Variants in ADCY8 observed in about 807,000 individuals in gnomAD.
The protein encoded by ADCY8 is adenylate cyclase type 8.
In ADCY8, 51 loss-of-function variants were observed where a neutral mutation model predicts 119.7. The observed-to-expected ratio is 0.43, with a 90% confidence interval of 0.34 to 0.54. The LOEUF is 0.54. Among genes scored for constraint, ADCY8 ranks in the 20% least tolerant of loss-of-function variants. The pLI is 0.03. For missense variants in ADCY8, 1,383 were observed against 1,598.8 expected (o/e 0.87, Z 2.30); for synonymous variants, 665 against 651.0 (o/e 1.02, Z -0.33).
intron 3 of ADCY8, among the ~76,000 whole-genome samples, chr8:130,950,315 T>C (rs975538959): frequency 4.6e-5 from 7 of 152,194 alleles, no homozygotes; most frequent in African/African-American, 1.7e-4. Flanking sequence ...ATCAGACCCA[T>C]CTGCTCCAGG....
intron 8 of ADCY8, among the ~76,000 whole-genome samples, chr8:130,883,094 G>A (rs116739343): frequency 0.011 from 1,604 of 151,066 alleles, 33 homozygotes; most frequent in African/African-American, 0.037. Flanking sequence ...TCCCTTAGAT[G>A]TGAATGCTAT....
intron 6 of ADCY8, among the ~76,000 whole-genome samples, chr8:130,905,431 T>TC (rs1296013098): frequency 1.3e-5 from 2 of 152,248 alleles, no homozygotes; most frequent in African/African-American, 4.8e-5. Context: ...ACTAACAATT[T>TC]CCTACTGTCC....
intron 1 of ADCY8, among the ~76,000 whole-genome samples, chr8:131,017,169 A>C (rs559637024): frequency 7.9e-5 from 12 of 151,840 alleles, no homozygotes; most frequent in Admixed American, 3.9e-4. Flanking sequence ...TCCCAGGTTC[A>C]AGTGATTCTC....
chr8:130,920,792 C>T (rs770550522), intron 5 of ADCY8, among the ~76,000 whole-genome samples: 4 of 152,284 alleles, frequency 2.6e-5, no homozygotes, highest in Non-Finnish European at 4.4e-5. Flanking sequence ...GATTACCCTC[C>T]ACAATGTGTG....
At chr8:130,897,134 C>T (rs1250766124) in intron 7 of ADCY8, among the ~76,000 whole-genome samples, 1 of 152,036 alleles carries the variant, frequency 6.6e-6, no homozygotes, top group African/African-American at 2.4e-5. Context: ...TCAATTCCTG[C>T]AGAGATTTAC....
At chr8:130,985,146 G>T (rs939118263) in intron 2 of ADCY8, among the ~76,000 whole-genome samples, 2 of 152,130 alleles carry the variant, frequency 1.3e-5, no homozygotes, top group African/African-American at 4.8e-5. Context: ...AGGAAAGGGG[G>T]TTGGGGGGTG....
At chr8:130,917,489 T>A (rs1820163915) in intron 5 of ADCY8, among the ~76,000 whole-genome samples, 1 of 152,156 alleles carries the variant, frequency 6.6e-6, no homozygotes, top group South Asian at 2.1e-4. Context: ...AAGACCTAAC[T>A]GCACTCACAT....
chr8:130,949,023 C>A (rs1409117033), intron 3 of ADCY8, among the ~76,000 whole-genome samples: 2 of 152,138 alleles, frequency 1.3e-5, no homozygotes, highest in African/African-American at 4.8e-5. Flanking sequence ...CAATTCTCCT[C>A]CCCCTAGTAA....
chr8:130,890,103 A>G (rs1563715089), intron 7 of ADCY8, among the ~76,000 whole-genome samples: 1 of 151,592 alleles, frequency 6.6e-6, no homozygotes, highest in Non-Finnish European at 1.5e-5. Context: ...GAAAGGAAGG[A>G]ATGGATGAGT....
At chr8:130,947,555 G>A (rs754899612) in intron 3 of ADCY8, among the ~76,000 whole-genome samples, 5 of 152,158 alleles carry the variant, frequency 3.3e-5, no homozygotes, top group Admixed American at 2.6e-4. Context: ...TTGCTTGTTC[G>A]TGAAACTCTA....
chr8:131,017,231 G>A (rs1342557370), intron 1 of ADCY8, among the ~76,000 whole-genome samples: 4 of 152,040 alleles, frequency 2.6e-5, no homozygotes, highest in Admixed American at 6.6e-5. Flanking sequence ...CACCACGCCC[G>A]GCTAATTTGT....
chr8:130,953,217 G>A (rs1244331307), intron 2 of ADCY8, among the ~76,000 whole-genome samples: 1 of 152,030 alleles, frequency 6.6e-6, no homozygotes, highest in Non-Finnish European at 1.5e-5. Flanking sequence ...TAGGTCATGT[G>A]GAATTATCTA....
At chr8:130,781,224 C>A (rs1347142388) in intron 17 of ADCY8, among the ~76,000 whole-genome samples, 1 of 152,166 alleles carries the variant, frequency 6.6e-6, no homozygotes, top group Non-Finnish European at 1.5e-5. Context: ...GTGAGATGAT[C>A]AGAGCATGGA....
chr8:130,801,212 T>C (rs984966255), intron 14 of ADCY8, among the ~76,000 whole-genome samples: 6 of 152,142 alleles, frequency 3.9e-5, no homozygotes, highest in African/African-American at 1.4e-4. Context: ...CCTTTTCTTT[T>C]CTCCTCAATG....
Position 130,884,121 on chromosome 8 carries a change from A to G in ADCY8, c.2109+443T>C, listed in dbSNP as rs916101904. Among the ~76,000 whole-genome samples the G allele has an allele frequency of 2.0e-5, 3 of 152,290 alleles. No homozygotes were observed. In the East Asian group the frequency reaches 5.8e-4, roughly 30 times the overall value. ...GACAACTGGGGAAAGGGGAGAATAG[A>G]TATCTAAAATCTAAGAAAGACAGTG... is the stretch of plus-strand genomic sequence containing the variant. On this transcript the variant is annotated intron_variant, in intron 8 of 17. Transcript: ENST00000286355.
chr8:130,909,834 T>C lies in ADCY8; in HGVS notation c.1514A>G (p.Asp505Gly). The change falls in exon 6 of 18, where the codon GAC (aspartate) becomes GGC (glycine). Residue 505 changes from aspartate (D) to glycine (G), a missense_variant. This residue lies in a region of ADCY8 where 928 missense variants were observed against 1,163.5 expected (regional missense o/e 0.80). Coordinates refer to ENST00000286355, the MANE Select transcript of ADCY8 (RefSeq NM_001115.3). Reference sequence around the variant, plus strand: ...GCCGGAGTGGATTCCAATCCTCATGTCAACATCGTGTTTTGTCCTTGACCG... The same window carrying C: ...GCCGGAGTGGATTCCAATCCTCATGCCAACATCGTGTTTTGTCCTTGACCG... ...YVRSRTKHDV[D>G]MRIGIHSGSV... 6.2e-7 allele frequency: 1 copy of C among 1,614,146 alleles called. No homozygotes were observed. Among genetic ancestry groups the C allele is most frequent in the Non-Finnish European group, 8.5e-7 (1 of 1,180,024 alleles).
At position 131,035,180 on chromosome 8, in the gene ADCY8, T is replaced by C. The variant is rs1475213089; in HGVS notation, c.960+4194A>G. Among the ~76,000 whole-genome samples, 21 of 152,146 alleles carry C rather than the reference T, an allele frequency of 1.4e-4. 1 individual carries two copies. The highest frequency in any genetic ancestry group is 1.2e-3 in the Admixed American group (19 of 15,280). On this transcript the variant is annotated intron_variant, in intron 1 of 17. Transcript: ENST00000286355. ...GGAAAATCTGGACAAGGTATTCCTATCATTGGTTTGAGGCTTATTTAACTT... is the reference window on the plus strand; with the variant it reads ...GGAAAATCTGGACAAGGTATTCCTACCATTGGTTTGAGGCTTATTTAACTT...
chr8:130,983,503 C>A (rs751309815), intron 2 of ADCY8, among the ~76,000 whole-genome samples: 1 of 152,094 alleles, frequency 6.6e-6, no homozygotes, highest in East Asian at 1.9e-4. Flanking sequence ...TAGGGAACGA[C>A]CAGCAAGAAA....
chr8:130,830,046 A>G (rs1317496490), intron 12 of ADCY8, among the ~76,000 whole-genome samples: 1 of 152,196 alleles, frequency 6.6e-6, no homozygotes. Context: ...TTGTCATCCA[A>G]CACCCCTAAC....
Sources: allele counts gnomAD v4.1 joint callset (sites outside exome capture counted in the v4.1 genomes callset), GRCh38; gene constraint gnomAD v4.1.1; regional missense constraint gnomAD v4.1.1; transcripts MANE v1.5; gene names NCBI Gene and HGNC (gene_info 2026-07-23, HGNC 2026-07-21).